ZNF106: variants seen among roughly 807,000 people sequenced by gnomAD.
ZNF106 encodes SH3-domain binding protein 3.
In ZNF106, 67 loss-of-function variants were observed where a neutral mutation model predicts 195.1. The ratio of observed to expected loss-of-function variants is 0.34; its 90% CI spans 0.28 to 0.42. ZNF106 has a LOEUF of 0.42. Among genes scored for constraint, ZNF106 ranks in the 10% least tolerant of loss-of-function variants. ZNF106 has a pLI of 1.00. For missense variants in ZNF106, 2,118 were observed against 2,304.5 expected (o/e 0.92, Z 1.66); for synonymous variants, 784 against 818.6 (o/e 0.96, Z 0.72).
rs759605026 is a variant in ZNF106, at chr15:42,422,485, T to C, written c.5373+16A>G. On this transcript the variant is annotated intron_variant, in intron 18 of 21. Transcript: ENST00000564754. ...TCCCCAAATCATTCAAGCAAAATAC[T>C]GAATCTAAATTCTACCTGTAATTCA... The C allele has an allele frequency of 1.7e-5, 28 of 1,609,756 alleles. No homozygotes were observed. The highest frequency in any genetic ancestry group is 5.5e-5 in the South Asian group (5 of 90,236).
intron 7 of ZNF106, among the ~76,000 whole-genome samples, chr15:42,445,597 T>A (rs1483634751): frequency 6.6e-6 from 1 of 152,208 alleles, no homozygotes. Flanking sequence ...CTACTGACTA[T>A]GATATTTCTA....
At chr15:42,460,728 C>T (rs2056369753) in intron 3 of ZNF106, among the ~76,000 whole-genome samples, 2 of 152,016 alleles carry the variant, frequency 1.3e-5, no homozygotes, top group Admixed American at 6.6e-5. Flanking sequence ...GGTGTGGTGG[C>T]GCATGCCTGT....
chr15:42,486,843 T>C (rs547882121), intron 1 of ZNF106, among the ~76,000 whole-genome samples: 1 of 152,296 alleles, frequency 6.6e-6, no homozygotes, highest in African/African-American at 2.4e-5. Context: ...ATATATTTTA[T>C]TGCCAATTAA....
At chr15:42,444,693 GCA>G (rs1242355196) in intron 8 of ZNF106, 132 bp downstream of exon 8, 18 of 1,103,646 alleles carry the variant, frequency 1.6e-5, no homozygotes, top group Non-Finnish European at 1.7e-5. Flanking sequence ...CCCCCATTAG[GCA>G]CAGTCTGGGG....
intron 1 of ZNF106, among the ~76,000 whole-genome samples, chr15:42,475,897 T>C (rs562369791): frequency 9.2e-5 from 14 of 152,172 alleles, no homozygotes; most frequent in Non-Finnish European, 1.8e-4. Context: ...GTAGAAATTA[T>C]AGCAGTTACT....
intron 12 of ZNF106, 61 bp from the exon 13 acceptor site, chr15:42,437,438 A>C: frequency 6.3e-7 from 1 of 1,581,782 alleles, no homozygotes. Context: ...ATACTCAAAA[A>C]TCAGAACTAT....
At chr15:42,418,467 G>A (rs1020648164) in intron 20 of ZNF106, among the ~76,000 whole-genome samples, 1 of 147,406 alleles carries the variant, frequency 6.8e-6, no homozygotes, top group Admixed American at 6.9e-5. Flanking sequence ...CTGGGTTCAA[G>A]CAGTTCTGCT....
At chr15:42,457,280 A>G (rs1289769070) in intron 3 of ZNF106, 122 bp from the exon 4 acceptor site, 10 of 1,534,406 alleles carry the variant, frequency 6.5e-6, no homozygotes, top group Non-Finnish European at 7.9e-6. Context: ...AATTAGTGCT[A>G]ATTAATTTCA....
chr15:42,433,037 T>C (rs979238209), intron 14 of ZNF106, among the ~76,000 whole-genome samples: 1 of 151,478 alleles, frequency 6.6e-6, no homozygotes, highest in Non-Finnish European at 1.5e-5. Flanking sequence ...TGCTATTTGC[T>C]TTCTATTTGT....
At position 42,472,266 on chromosome 15, in the gene ZNF106, T is replaced by C. The variant is rs2141423256; in HGVS notation, c.24A>G (p.Ile8Met). Residue 8 changes from isoleucine (I) to methionine (M), a missense_variant, in exon 2 of 22, where the codon ATA (isoleucine) becomes ATG (methionine). By Grantham distance (10) the Ile-to-Met change is conservative. Transcript: ENST00000564754. The part of the protein sequence containing the change: MVRERKC[I>M]LCHIVYSSKK... ...TTGAGCTGTACACGATGTGGCATAA[T>C]ATGCATTTTCGTTCTCGTACCATAG... 5 of 1,535,974 alleles carry C rather than the reference T, an allele frequency of 3.3e-6. No homozygotes were observed. The highest frequency in any genetic ancestry group is 4.4e-6 in the Non-Finnish European group (5 of 1,146,822).
chr15:42,455,859 A>G (rs1487333468), intron 4 of ZNF106, among the ~76,000 whole-genome samples: 1 of 152,114 alleles, frequency 6.6e-6, no homozygotes, highest in Non-Finnish European at 1.5e-5. Context: ...ATCCCACCTC[A>G]TAAGTGCTTC....
intron 21 of ZNF106, 76 bp downstream of exon 21, chr15:42,417,729 A>T (rs571937388): frequency 6.8e-7 from 1 of 1,465,702 alleles, no homozygotes; most frequent in African/African-American, 1.4e-5. Context: ...AATTCTCAAT[A>T]ATAAAAAAGG....
intron 7 of ZNF106, among the ~76,000 whole-genome samples, chr15:42,445,934 A>T (rs1373889800): frequency 2.0e-5 from 3 of 152,208 alleles, no homozygotes; most frequent in African/African-American, 7.2e-5. Flanking sequence ...GCAACCAAGG[A>T]AGGGAGTGTG....
intron 13 of ZNF106, among the ~76,000 whole-genome samples, chr15:42,435,862 C>T (rs1354720713): frequency 6.6e-6 from 1 of 152,068 alleles, no homozygotes; most frequent in East Asian, 1.9e-4. Flanking sequence ...TAATTTCCCA[C>T]AAAAGATGAG....
chr15:42,485,914 T>C (rs138776552), intron 1 of ZNF106, among the ~76,000 whole-genome samples: 433 of 152,208 alleles, frequency 2.8e-3, no homozygotes, highest in African/African-American at 9.7e-3. Flanking sequence ...TGGTCACCCA[T>C]TGATTTGCCA....
At position 42,439,108 on chromosome 15, in the gene ZNF106, G is replaced by T. The variant is rs1392864303; in HGVS notation, c.4469C>A (p.Thr1490Lys). ...WNSTEQNPLE[T>K]SRSGCDEVSS... The stretch of plus-strand genomic sequence containing the variant: ...AACTTCATCACACCCAGAACGAGAC[G>T]TTTCTAGTGGGTTTTGCTCTGTAGA... Residue 1490 changes from threonine to lysine, a missense_variant, in exon 11 of 22, where the codon ACG becomes AAG. Physicochemically the swap from Thr to Lys is moderately conservative, Grantham distance 78 (BLOSUM62 -1). Coordinates refer to ENST00000564754, the MANE Select transcript of ZNF106 (RefSeq NM_001366845.3). 6.2e-7 allele frequency: 1 copy of T among 1,614,172 alleles called. No individual in the cohort carries two copies. Among genetic ancestry groups the T allele is most frequent in the East Asian group, 2.2e-5 (1 of 44,882 alleles).
In ZNF106 at chr15:42,424,892, C is replaced by A. The variant is rs183828961; in HGVS notation, c.5132G>T (p.Arg1711Leu). The change falls in exon 16 of 22, where the codon CGG (arginine) becomes CTG (leucine). Residue 1711 changes from arginine to leucine, a missense_variant. Transcript: ENST00000564754. ...CAGAGTTCTGAGGAGCAGTCCATTC[C>A]GGGCATCGCGTACACTAATTGTGCA... ...YDCTISVRDA[R>L]NGLLLRTLEG... 1 of 1,614,106 alleles carries A rather than the reference C, an allele frequency of 6.2e-7. No individual in the cohort carries two copies. The highest frequency in any genetic ancestry group is 1.3e-5 in the African/African-American group (1 of 75,022).
At chr15:42,461,622 T>C (rs540837784) in intron 3 of ZNF106, among the ~76,000 whole-genome samples, 3 of 152,368 alleles carry the variant, frequency 2.0e-5, no homozygotes, top group South Asian at 2.1e-4. Flanking sequence ...GTTTCACATG[T>C]CCACAGCCAT....
rs183863224 is a variant in ZNF106, at chr15:42,478,232, T to G, written c.-32-5911A>C. Among the ~76,000 whole-genome samples the G allele has an allele frequency of 5.6e-3, 858 of 152,310 alleles. 10 individuals carry two copies. The highest frequency in any genetic ancestry group is 0.02 in the African/African-American group (818 of 41,566). ...AGGCTGGAATGCAATGGCACAATCT[T>G]GGCTCACTGCAACCTCTGCCTCCTG... On this transcript the variant is annotated intron_variant, in intron 1 of 21. Coordinates refer to ENST00000564754, the MANE Select transcript of ZNF106 (RefSeq NM_001366845.3).
Sources: allele counts gnomAD v4.1 joint callset (sites outside exome capture counted in the v4.1 genomes callset), GRCh38; gene constraint gnomAD v4.1.1; transcripts MANE v1.5; gene names NCBI Gene and HGNC (gene_info 2026-07-23, HGNC 2026-07-21).